The following SKIL variants were observed in gnomAD, a reference collection of about 807,000 sequenced individuals.
The protein encoded by SKIL is SKI like proto-oncogene.
Under a neutral mutation model 69.6 loss-of-function variants are expected in SKIL, and 20 were observed. That is an observed-to-expected ratio of 0.29 (90% confidence interval 0.20 to 0.42). The LOEUF (loss-of-function observed/expected upper bound fraction) is 0.42. Ranked by LOEUF, SKIL falls within the 10% of genes least tolerant of loss-of-function variation. The probability of loss-of-function intolerance (pLI) is 1.00; values close to 1 mark genes in which losing one functional copy is unlikely to be tolerated. For missense variants in SKIL, 745 were observed against 783.1 expected, an observed-to-expected ratio of 0.95 and a Z score of 0.58; for synonymous variants, 310 against 279.9, an observed-to-expected ratio of 1.11 and a Z score of -1.08.
At chr3:170,377,340 T>C (rs1260910005) in intron 2 of SKIL, among the ~76,000 whole-genome samples, 1 of 150,170 alleles carries the variant, frequency 6.7e-6, no homozygotes, top group Admixed American at 6.7e-5. Flanking sequence ...CTGTTTCGGT[T>C]GATTCTCCTG....
Position 170,393,236 on chromosome 3 carries a change from T to A in SKIL, c.*819T>A, listed in dbSNP as rs1411427977. ...GAAAAACTGATACCACTGTTGTGTA[T>A]CAGTTTCTATACAATCCATAATCCT... On this transcript the variant is annotated 3_prime_UTR_variant, in exon 7 of 7. Transcript: ENST00000259119. The A allele has an allele frequency of 6.6e-6, 1 of 152,194 alleles. No homozygotes were observed. The highest frequency in any genetic ancestry group is 1.5e-5 in the Non-Finnish European group (1 of 68,026). 9.4% of individuals were successfully genotyped at this position (152,194 alleles called of 1,614,324 possible).
intron 2 of SKIL, among the ~76,000 whole-genome samples, chr3:170,377,231 G>A (rs10936626): frequency 0.77 from 116,554 of 151,518 alleles, 45,599 homozygotes; most frequent in East Asian, 0.94. Flanking sequence ...GTGATGTTTC[G>A]TTTTCTGTTT....
At chr3:170,371,350 TA>T (rs1446914591) in intron 2 of SKIL, among the ~76,000 whole-genome samples, 1 of 150,898 alleles carries the variant, frequency 6.6e-6, no homozygotes, top group African/African-American at 2.4e-5. Context: ...AAAATAATAA[TA>T]AAAAAAATAG....
At chr3:170,359,393 C>G (rs1385433401) in intron 1 of SKIL, among the ~76,000 whole-genome samples, 3 of 152,070 alleles carry the variant, frequency 2.0e-5, no homozygotes, top group African/African-American at 7.2e-5. Flanking sequence ...GTCAGGAGTT[C>G]AAGACCAGCC....
Position 170,361,099 on chromosome 3 carries a change from G to A in SKIL, c.768G>A (p.Lys256=), listed in dbSNP as rs888983871. Residue 256 remains lysine, a synonymous_variant, in exon 2 of 7, where the codon AAG becomes AAA. Transcript: ENST00000259119. ...CTAAAAGCTCATTGGCCCAGTTAAAGGAAACTGGCAGTGCCTTTGAAGTGG... is the reference window on the plus strand; with the variant it reads ...CTAAAAGCTCATTGGCCCAGTTAAAAGAAACTGGCAGTGCCTTTGAAGTGG... ...LPAKSSLAQL[K]ETGSAFEVEH... is the part of the protein sequence containing the mutation. 15 of 1,614,246 alleles carry A rather than the reference G, an allele frequency of 9.3e-6. No homozygotes were observed. Among genetic ancestry groups the A allele is most frequent in the Non-Finnish European group, 1.2e-5 (14 of 1,180,038 alleles).
chr3:170,358,166 C>A (rs1174347944), intron 1 of SKIL, among the ~76,000 whole-genome samples: 1 of 152,204 alleles, frequency 6.6e-6, no homozygotes, highest in Non-Finnish European at 1.5e-5. Context: ...GGGATCCGCG[C>A]CCGGCGCCTA....
chr3:170,375,760 G>A (rs1404199074), intron 2 of SKIL, among the ~76,000 whole-genome samples: 1 of 146,686 alleles, frequency 6.8e-6, no homozygotes, highest in African/African-American at 2.5e-5. Context: ...AATTTTTTTT[G>A]TAGAGATGGG....
chr3:170,372,091 C>T (rs1218431323), intron 2 of SKIL, among the ~76,000 whole-genome samples: 1 of 152,016 alleles, frequency 6.6e-6, no homozygotes, highest in Admixed American at 6.6e-5. Flanking sequence ...CTGAGATTTC[C>T]ATGTAGTTGC....
chr3:170,366,569 A>G (rs544295650), intron 2 of SKIL, among the ~76,000 whole-genome samples: 27 of 152,144 alleles, frequency 1.8e-4, no homozygotes, highest in African/African-American at 6.0e-4. Flanking sequence ...AATCCCAGCT[A>G]CTTGGGAGGC....
intron 2 of SKIL, among the ~76,000 whole-genome samples, chr3:170,374,111 T>C (rs781468207): frequency 6.6e-6 from 1 of 152,160 alleles, no homozygotes; most frequent in Admixed American, 6.5e-5. Flanking sequence ...TATCAAAGGG[T>C]CACGTATACA....
intron 2 of SKIL, among the ~76,000 whole-genome samples, chr3:170,365,723 G>A (rs1467001977): frequency 1.3e-5 from 2 of 148,696 alleles, no homozygotes; most frequent in South Asian, 2.1e-4. Context: ...TTGACCCAGA[G>A]GGAGCTCATT....
At chr3:170,364,261 CTCTTACATG>C (rs1736388984) in intron 2 of SKIL, among the ~76,000 whole-genome samples, 1 of 147,860 alleles carries the variant, frequency 6.8e-6, no homozygotes, top group Admixed American at 6.7e-5. Context: ...TGGTGGTCTA[CTCTTACATG>C]TCTGTTGGAG....
chr3:170,381,275 C>A lies in SKIL; in HGVS notation c.1130C>A (p.Ser377Ter), dbSNP rs766169486. ...GCACCATCAGGAATGGAATTACAGTCATGGTATCCTGTTATAAAGCAGGAA... is the reference window on the plus strand; with the variant it reads ...GCACCATCAGGAATGGAATTACAGTAATGGTATCCTGTTATAAAGCAGGAA... ...TDAPSGMELQ[S>*]WYPVIKQEGD... is the part of the protein sequence containing the mutation. Residue 377 changes from serine (S) to a stop codon, truncating the protein, a stop_gained, in exon 3 of 7, where the codon TCA (serine) becomes TAA (stop). Coordinates refer to ENST00000259119, the MANE Select transcript of SKIL (RefSeq NM_005414.5). LOFTEE classifies it high-confidence loss of function. 1.3e-6 allele frequency: 2 copies of A among 1,595,384 alleles called. No homozygotes were observed. The highest frequency in any genetic ancestry group is 1.1e-5 in the South Asian group (1 of 90,644).
At chr3:170,380,116 C>T (rs1417890920) in intron 2 of SKIL, among the ~76,000 whole-genome samples, 1 of 152,048 alleles carries the variant, frequency 6.6e-6, no homozygotes, top group African/African-American at 2.4e-5. Context: ...TTAGTTATAG[C>T]TCATCTTTAA....
rs534041997 is a variant in SKIL at position 170,381,415 on chromosome 3, G to A, written c.1196+74G>A. On this transcript the variant is annotated intron_variant, in intron 3 of 6. Coordinates refer to ENST00000259119, the MANE Select transcript of SKIL (RefSeq NM_005414.5). ...CAACTATATGCCATGCACTATTCTA[G>A]GACATGGGAATTTAATTATTTATTT... is the stretch of plus-strand genomic sequence containing the variant. 2.3e-5 allele frequency: 18 copies of A among 771,182 alleles called. No individual in the cohort carries two copies. In the African/African-American group the frequency reaches 2.5e-4, roughly 11 times the overall value. The allele number at this position is 771,182 out of a possible 1,614,324, so 47.8% of individuals were successfully genotyped here. A position where few individuals can be genotyped will look rare whatever the true frequency, so the allele number is the denominator to read the frequency against.
Position 170,360,706 on chromosome 3 carries a change from A to G in SKIL, c.375A>G (p.Pro125=). 2 of 1,614,182 alleles carry G rather than the reference A, an allele frequency of 1.2e-6. No homozygotes were observed. Among genetic ancestry groups the G allele is most frequent in the Non-Finnish European group, 1.7e-6 (2 of 1,180,040 alleles). ...CGCCTACTGTATTTCTGCCTCTTCC[A>G]TCACCTCAGGTTCTTCCTGGCCCAT... ...SMSPTVFLPL[P]SPQVLPGPLL... The change falls in exon 2 of 7, where the codon CCA becomes CCG. Residue 125 remains proline (P), a synonymous_variant. Transcript: ENST00000259119.
intron 2 of SKIL, among the ~76,000 whole-genome samples, chr3:170,367,312 G>A (rs1317858681): frequency 6.6e-6 from 1 of 151,856 alleles, no homozygotes; most frequent in African/African-American, 2.4e-5. Flanking sequence ...GGGTTTCACC[G>A]TGTTAGCCAG....
chr3:170,392,438 C>T lies in SKIL; in HGVS notation c.*21C>T, dbSNP rs2108228537. 2.7e-6 allele frequency: 4 copies of T among 1,494,400 alleles called. No homozygotes were observed. Among genetic ancestry groups the T allele is most frequent in the Non-Finnish European group, 3.6e-6 (4 of 1,107,600 alleles). The allele number at this position is 1,494,400 out of a possible 1,614,324, so 92.6% of individuals were successfully genotyped here. A position where few individuals can be genotyped will look rare whatever the true frequency, so the allele number is the denominator to read the frequency against. Reference sequence around the variant, plus strand: ...AATAGAAACTGTTAAAGAGATTCATCTGTGTATTACTGACAAGGTTTTTTT... The same window carrying T: ...AATAGAAACTGTTAAAGAGATTCATTTGTGTATTACTGACAAGGTTTTTTT... On this transcript the variant is annotated 3_prime_UTR_variant, in exon 7 of 7. Coordinates refer to ENST00000259119, the MANE Select transcript of SKIL (RefSeq NM_005414.5).
chr3:170,375,371 T>A (rs1297502429), intron 2 of SKIL, among the ~76,000 whole-genome samples: 1 of 152,238 alleles, frequency 6.6e-6, no homozygotes, highest in Non-Finnish European at 1.5e-5. Flanking sequence ...ATGCTAGGTT[T>A]GGCTCATGAG....
Sources: gnomAD v4.1 joint callset for allele counts (sites outside exome capture counted in the v4.1 genomes callset) on GRCh38, gnomAD v4.1.1 for gene constraint, MANE v1.5 for transcripts, NCBI Gene and HGNC (gene_info 2026-07-23, HGNC 2026-07-21) for gene names.